Variants in WWOX observed in about 807,000 individuals in gnomAD.
The protein encoded by WWOX is WW domain-containing oxidoreductase.
In WWOX, 69 loss-of-function variants were observed where a neutral mutation model predicts 46.2. That is an observed-to-expected ratio of 1.49 (90% CI 1.23 to 1.82). The LOEUF (loss-of-function observed/expected upper bound fraction) is 1.82. WWOX is among the 40% of genes most tolerant of loss of function. The pLI is 0.00. For synonymous variants in WWOX, 359 were observed against 202.6 expected, an observed-to-expected ratio of 1.77 and a Z score of -6.56; for missense variants, 919 against 542.6, an observed-to-expected ratio of 1.69 and a Z score of -6.89.
rs752822745 is a variant in WWOX, at chr16:78,115,060, A to G, written c.315A>G (p.Gln105=). 1.2e-5 allele frequency: 19 copies of G among 1,614,078 alleles called. No individual in the cohort carries two copies. Among genetic ancestry groups the G allele is most frequent in the Admixed American group, 1.2e-4 (7 of 60,006 alleles). ...ATCCGACCAAGCCAACCACCCGGCA[A>G]AGATACGACGGCAGCACCACTGCCA... ...DDNPTKPTTR[Q]RYDGSTTAME... is the part of the protein sequence containing the mutation. The change falls in exon 4 of 9, where the codon CAA becomes CAG. Residue 105 remains glutamine (Q), a synonymous_variant. Coordinates refer to ENST00000566780, the MANE Select transcript of WWOX (RefSeq NM_016373.4).
intron 8 of WWOX, among the ~76,000 whole-genome samples, chr16:78,985,429 G>C (rs966008530): frequency 6.6e-6 from 1 of 152,036 alleles, no homozygotes; most frequent in Non-Finnish European, 1.5e-5. Context: ...CACATCTCTG[G>C]CTAGTACAGA....
intron 8 of WWOX, chr16:78,899,420 G>C (rs573598695): frequency 1.3e-5 from 2 of 152,090 alleles, no homozygotes; most frequent in East Asian, 1.9e-4. Context: ...TATTTACCCC[G>C]TATGTCACTT....
chr16:78,518,330 C>G (rs1296730479), intron 8 of WWOX, among the ~76,000 whole-genome samples: 1 of 152,128 alleles, frequency 6.6e-6, no homozygotes, highest in African/African-American at 2.4e-5. Context: ...CTCCTGGGAT[C>G]AAGTGATTCT....
At chr16:78,845,668 G>A (rs925712486) in intron 8 of WWOX, among the ~76,000 whole-genome samples, 7 of 152,338 alleles carry the variant, frequency 4.6e-5, no homozygotes. Context: ...GATTAAGTAA[G>A]TAATGGACAA....
intron 8 of WWOX, among the ~76,000 whole-genome samples, chr16:78,962,242 C>T (rs2046284138): frequency 7.0e-6 from 1 of 143,306 alleles, no homozygotes; most frequent in Admixed American, 7.2e-5. Flanking sequence ...CTTCTTTTTT[C>T]TCTATCCCAT....
chr16:78,141,078 A>G (rs2033969052), intron 4 of WWOX, among the ~76,000 whole-genome samples: 1 of 152,202 alleles, frequency 6.6e-6, no homozygotes, highest in African/African-American at 2.4e-5. Flanking sequence ...CGTTATCATC[A>G]GACATTAGGA....
chr16:78,146,814 C>T (rs1386367679), intron 4 of WWOX, among the ~76,000 whole-genome samples: 4 of 152,100 alleles, frequency 2.6e-5, no homozygotes, highest in East Asian at 1.9e-4. Context: ...CGCAATGATT[C>T]GGTGTGTTTT....
intron 5 of WWOX, among the ~76,000 whole-genome samples, chr16:78,365,713 TTTCTG>T (rs1205472522): frequency 6.6e-6 from 1 of 152,194 alleles, no homozygotes; most frequent in Non-Finnish European, 1.5e-5. Flanking sequence ...ATTAGTAACT[TTTCTG>T]TAAGCAATCT....
intron 8 of WWOX, among the ~76,000 whole-genome samples, chr16:78,512,539 G>A (rs113350510): frequency 6.8e-4 from 103 of 152,190 alleles, no homozygotes; most frequent in Middle Eastern, 6.8e-3. Flanking sequence ...ATTAGAAATG[G>A]AATTTTTAAA....
chr16:78,991,571 A>C (rs2046887170), intron 8 of WWOX, among the ~76,000 whole-genome samples: 1 of 141,764 alleles, frequency 7.1e-6, no homozygotes, highest in African/African-American at 2.6e-5. Flanking sequence ...ACTGCACTCC[A>C]GACTGGGAGA....
rs539075485 is a variant in WWOX, at chr16:79,212,323, C to G, written c.*527C>G. 6.4e-6 allele frequency: 5 copies of G among 785,416 alleles called. No individual in the cohort carries two copies. Among genetic ancestry groups the G allele is most frequent in the African/African-American group, 1.7e-5 (1 of 57,166 alleles). 48.7% of individuals were successfully genotyped at this position (785,416 alleles called of 1,614,324 possible). A position where few individuals can be genotyped will look rare whatever the true frequency, so the allele number is the denominator to read the frequency against. On this transcript the variant is annotated 3_prime_UTR_variant, in exon 9 of 9. Coordinates refer to ENST00000566780, the MANE Select transcript of WWOX (RefSeq NM_016373.4). ...CTGCTGGGGAGACAAATCTCAGAAC[C>G]TTGTCCCAGCCAGTGAGGATGACAG...
At chr16:79,034,389 A>G (rs1371571812) in intron 8 of WWOX, among the ~76,000 whole-genome samples, 3 of 152,272 alleles carry the variant, frequency 2.0e-5, no homozygotes, top group Non-Finnish European at 4.4e-5. Flanking sequence ...GCAAAGCATC[A>G]GAATGCAAAA....
At chr16:78,260,826 A>G (rs1033963546) in intron 5 of WWOX, among the ~76,000 whole-genome samples, 31 of 148,438 alleles carry the variant, frequency 2.1e-4, no homozygotes, top group African/African-American at 7.2e-4. Flanking sequence ...AATCCCAGCT[A>G]TTGGGGAGGC....
chr16:78,594,219 CTATGTG>C (rs1019989840), intron 8 of WWOX, among the ~76,000 whole-genome samples: 34 of 152,152 alleles, frequency 2.2e-4, no homozygotes, highest in Admixed American at 2.0e-4. Flanking sequence ...CGAAGCAAAC[CTATGTG>C]TATGTGTTTG....
At chr16:78,526,438 A>G (rs2043470756) in intron 8 of WWOX, 1 of 152,238 alleles carries the variant, frequency 6.6e-6, no homozygotes, top group South Asian at 2.1e-4. Flanking sequence ...AAATAGGGAA[A>G]AGGCCCAGGT....
chr16:78,101,966 G>A (rs899717574), intron 1 of WWOX, among the ~76,000 whole-genome samples: 1 of 152,040 alleles, frequency 6.6e-6, no homozygotes, highest in Non-Finnish European at 1.5e-5. Flanking sequence ...GTAGTTGGGG[G>A]GGTCGTGAGG....
At chr16:78,145,689 C>T (rs1309411437) in intron 4 of WWOX, among the ~76,000 whole-genome samples, 3 of 152,182 alleles carry the variant, frequency 2.0e-5, no homozygotes, top group African/African-American at 7.2e-5. Context: ...ATCACATTGA[C>T]ACTCAATATT....
intron 8 of WWOX, among the ~76,000 whole-genome samples, chr16:78,814,767 T>C (rs1343618159): frequency 6.6e-6 from 1 of 152,190 alleles, no homozygotes; most frequent in African/African-American, 2.4e-5. Flanking sequence ...TATAAGACAT[T>C]ACAGCCAAGG....
At chr16:78,375,438 C>G (rs756620018) in intron 5 of WWOX, among the ~76,000 whole-genome samples, 1 of 152,212 alleles carries the variant, frequency 6.6e-6, no homozygotes, top group Non-Finnish European at 1.5e-5. Context: ...GTTAAACAGT[C>G]AATCATTCAT....
Sources: allele counts gnomAD v4.1 joint callset (sites outside exome capture counted in the v4.1 genomes callset), GRCh38; gene constraint gnomAD v4.1.1; transcripts MANE v1.5; gene names NCBI Gene and HGNC (gene_info 2026-07-23, HGNC 2026-07-21).